The following XDH variants were observed in gnomAD, a reference collection of about 807,000 sequenced individuals.
XDH encodes the protein xanthine dehydrogenase.
XDH carries 138 observed loss-of-function variants against 156.1 expected under a neutral mutation model. The ratio of observed to expected loss-of-function variants is 0.88; its 90% CI spans 0.77 to 1.02. The LOEUF is 1.02. Ranked by LOEUF, XDH falls within the 50% of genes least tolerant of loss-of-function variation. XDH has a pLI of 0.00. For synonymous variants in XDH, 669 were observed against 625.7 expected (o/e 1.07, Z -1.03); for missense variants, 1,849 against 1,684.9 (o/e 1.10, Z -1.71).
At chr2:31,358,841 C>A (rs2148762555) in intron 24 of XDH, among the ~76,000 whole-genome samples, 1 of 152,180 alleles carries the variant, frequency 6.6e-6, no homozygotes, top group East Asian at 1.9e-4. Context: ...GACTGGATGT[C>A]TTCCCCTTAA....
At chr2:31,367,023 G>A (rs759530602) in intron 20 of XDH, 29 bp from the exon 21 acceptor site, 3 of 1,614,036 alleles carry the variant, frequency 1.9e-6, no homozygotes, top group Non-Finnish European at 2.5e-6. Flanking sequence ...CCCTCACAGT[G>A]AGCCCAATGC....
chr2:31,388,817 C>T (rs1686682965), intron 6 of XDH, among the ~76,000 whole-genome samples: 1 of 152,188 alleles, frequency 6.6e-6, no homozygotes, highest in East Asian at 1.9e-4. Context: ...GGCCTCCCTA[C>T]TGCTTATTAG....
chr2:31,338,595 C>T (rs997958798), intron 34 of XDH, among the ~76,000 whole-genome samples: 1 of 151,982 alleles, frequency 6.6e-6, no homozygotes, highest in African/African-American at 2.4e-5. Context: ...GGATTAGTTG[C>T]CTTCCTTCTT....
In XDH at chr2:31,378,127, G is replaced by GAAAGAAAGAAAGAAAGAAA. The variant is rs1558696722; in HGVS notation, c.1243-891_1243-890insTTTCTTTCTTTCTTTCTTT. Among the ~76,000 whole-genome samples the GAAAGAAAGAAAGAAAGAAA allele has an allele frequency of 2.3e-4, 11 of 47,960 alleles. 1 individual carries two copies. Among genetic ancestry groups the GAAAGAAAGAAAGAAAGAAA allele is most frequent in the African/African-American group, 8.2e-4 (11 of 13,472 alleles). The allele number at this position is 47,960 out of a possible 152,430, so 31.5% of individuals were successfully genotyped here. The stretch of plus-strand genomic sequence containing the variant: ...GAAAGAAAGGAAGGAAGGAAGGAAG[G>GAAAGAAAGAAAGAAAGAAA]AAGGAAGGAAGGAAGGAAGGAAGGA... On this transcript the variant is annotated intron_variant, in intron 13 of 35. Transcript: ENST00000379416.
At chr2:31,350,267 T>C in intron 24 of XDH, 44 bp from the exon 25 acceptor site, 5 of 1,610,016 alleles carry the variant, frequency 3.1e-6, no homozygotes, top group Middle Eastern at 1.7e-4. Flanking sequence ...GTGTACTGAT[T>C]GCATTGGTTC....
At position 31,386,310 on chromosome 2, in the gene XDH, G is replaced by A. The variant is rs1239985190; in HGVS notation, c.793+104C>T. 4.7e-6 allele frequency: 7 copies of A among 1,485,238 alleles called. No individual in the cohort carries two copies. In the African/African-American group the frequency reaches 5.5e-5, roughly 12 times the overall value. 92.0% of individuals were successfully genotyped at this position (1,485,238 alleles called of 1,614,324 possible). A position where few individuals can be genotyped will look rare whatever the true frequency, so the allele number is the denominator to read the frequency against. ...GGTAGTCAGTGGGGCAGAGGGATAG[G>A]GTGCAGAGGCAAGTAAAGTCAGGGG... On this transcript the variant is annotated intron_variant, in intron 9 of 35. Transcript: ENST00000379416.
intron 18 of XDH, among the ~76,000 whole-genome samples, chr2:31,370,134 G>A (rs1460249334): frequency 6.6e-6 from 1 of 152,152 alleles, no homozygotes; most frequent in Non-Finnish European, 1.5e-5. Flanking sequence ...CTGCCACTTT[G>A]GCATAGAGAC....
intron 31 of XDH, among the ~76,000 whole-genome samples, chr2:31,343,302 A>ATT (rs1307502194): frequency 1.8e-5 from 2 of 111,166 alleles, no homozygotes; most frequent in Non-Finnish European, 3.9e-5. Flanking sequence ...ATATATATAT[A>ATT]TATATATATA....
At chr2:31,356,915 T>C (rs1685641284) in intron 24 of XDH, among the ~76,000 whole-genome samples, 1 of 152,100 alleles carries the variant, frequency 6.6e-6, no homozygotes, top group Middle Eastern at 3.4e-3. Context: ...TAGAAATCAA[T>C]AGAAAGCCTC....
chr2:31,386,963 A>T (rs1357549240), intron 8 of XDH, among the ~76,000 whole-genome samples: 1 of 46,998 alleles, frequency 2.1e-5, no homozygotes. Flanking sequence ...AGGGAGGGAG[A>T]GAGGGAGGGA....
Position 31,406,175 on chromosome 2 carries a change from A to C in XDH, c.43-211T>G, listed in dbSNP as rs45566738. Among the ~76,000 whole-genome samples, 1,108 of 152,300 alleles carry C rather than the reference A, an allele frequency of 7.3e-3. 15 individuals are homozygous for C. Among genetic ancestry groups the C allele is most frequent in the South Asian group, 0.041 (197 of 4,824 alleles). On this transcript the variant is annotated intron_variant, in intron 1 of 35. Coordinates refer to ENST00000379416, the MANE Select transcript of XDH (RefSeq NM_000379.4). ...TGGGAAGCAATATGATCATGGGGGC[A>C]GATTTCTCATGAATGGCTTAGTGCC...
At chr2:31,406,005 T>G in intron 1 of XDH, 41 bp from the exon 2 acceptor site, 1 of 1,599,004 alleles carries the variant, frequency 6.3e-7, no homozygotes, top group Non-Finnish European at 8.6e-7. Flanking sequence ...ATAGGTATAC[T>G]TAGTCATCTT....
Position 31,339,602 on chromosome 2 carries a change from G to A in XDH, c.3661C>T (p.His1221Tyr). 6.2e-7 allele frequency: 1 copy of A among 1,614,182 alleles called. No homozygotes were observed. Among genetic ancestry groups the A allele is most frequent in the South Asian group, 1.1e-5 (1 of 91,084 alleles). Residue 1221 changes from histidine to tyrosine, a missense_variant, in exon 34 of 36, where the codon CAC becomes TAC. Coordinates refer to ENST00000379416, the MANE Select transcript of XDH (RefSeq NM_000379.4). ...TTGTAGGTGCTAGGGCCACGGGTGTGCAGGCTCCCCTCGGGGGAATAGTGT... is the reference window on the plus strand; with the variant it reads ...TTGTAGGTGCTAGGGCCACGGGTGTACAGGCTCCCCTCGGGGGAATAGTGT... Reference protein sequence around the residue: ...ELHYSPEGSLHTRGPSTYKIP... With the variant: ...ELHYSPEGSLYTRGPSTYKIP...
In XDH at chr2:31,377,306, C is replaced by A; in HGVS notation, c.1243-69G>T. 6 of 1,578,736 alleles carry A rather than the reference C, an allele frequency of 3.8e-6. No individual in the cohort carries two copies. In the East Asian group the frequency reaches 1.3e-4, roughly 35 times the overall value. ...AGGGGCTGCAAATGGCAGACCCAAA[C>A]CACAGGGCTATGAGGTGAGGTGAGG... On this transcript the variant is annotated intron_variant, in intron 13 of 35. Coordinates refer to ENST00000379416, the MANE Select transcript of XDH (RefSeq NM_000379.4).
intron 6 of XDH, among the ~76,000 whole-genome samples, chr2:31,396,564 T>C (rs11885410): frequency 0.025 from 3,757 of 152,310 alleles, 157 homozygotes; most frequent in African/African-American, 0.086. Flanking sequence ...GATATTCTAA[T>C]GAAATCACCT....
rs1404017784 is a variant in XDH at position 31,350,091 on chromosome 2, G to A, written c.2764C>T (p.Leu922Phe). Residue 922 changes from leucine (L) to phenylalanine (F), a missense_variant, in exon 25 of 36, where the codon CTC (leucine) becomes TTC (phenylalanine). Coordinates refer to ENST00000379416, the MANE Select transcript of XDH (RefSeq NM_000379.4). ...TCACTCATCCAGCACTCGGCAATGA[G>A]CATCCCCTGGGGCCCCCCAAAGCCC... ...FRGFGGPQGM[L>F]IAECWMSEVA... is the part of the protein sequence containing the mutation. 6.2e-7 allele frequency: 1 copy of A among 1,614,252 alleles called. No homozygotes were observed. The highest frequency in any genetic ancestry group is 2.2e-5 in the East Asian group (1 of 44,884).
chr2:31,344,922 G>T, intron 30 of XDH, among the ~76,000 whole-genome samples, 186 bp from the exon 31 acceptor site: 1 of 152,134 alleles, frequency 6.6e-6, no homozygotes, highest in East Asian at 1.9e-4. Flanking sequence ...ATTATCTGAA[G>T]CCTGGAACAC....
intron 6 of XDH, among the ~76,000 whole-genome samples, chr2:31,395,173 A>G (rs1283586514): frequency 2.0e-5 from 3 of 151,920 alleles, no homozygotes; most frequent in Non-Finnish European, 4.4e-5. Flanking sequence ...TTGGTAAGAT[A>G]TGAAGGAGAA....
chr2:31,343,425 G>A (rs549411043), intron 31 of XDH, among the ~76,000 whole-genome samples: 1 of 139,434 alleles, frequency 7.2e-6, no homozygotes, highest in African/African-American at 2.7e-5. Context: ...GCATAGAAAT[G>A]TTTTTTTGTG....
Sources: allele counts gnomAD v4.1 joint callset (sites outside exome capture counted in the v4.1 genomes callset), GRCh38; gene constraint gnomAD v4.1.1; transcripts MANE v1.5; gene names NCBI Gene and HGNC (gene_info 2026-07-23, HGNC 2026-07-21).